The following XRN1 variants were observed in gnomAD, a reference collection of about 807,000 sequenced individuals.
XRN1 encodes the protein 5'-3' exoribonuclease 1.
Under a neutral mutation model 222.3 loss-of-function variants are expected in XRN1, and 67 were observed. The ratio of observed to expected loss-of-function variants is 0.30; its 90% CI spans 0.25 to 0.37. XRN1 has a LOEUF of 0.37. XRN1 is among the 10% of genes least tolerant of loss of function. The probability of loss-of-function intolerance (pLI) is 1.00; values close to 1 mark genes in which losing one functional copy is unlikely to be tolerated. For missense variants in XRN1, 1,707 were observed against 2,000.2 expected, an observed-to-expected ratio of 0.85 and a Z score of 2.80; for synonymous variants, 643 against 652.4, an observed-to-expected ratio of 0.99 and a Z score of 0.22.
intron 2 of XRN1, among the ~76,000 whole-genome samples, chr3:142,430,150 G>A (rs1266886117): frequency 1.3e-5 from 2 of 152,162 alleles, no homozygotes; most frequent in African/African-American, 4.8e-5. Flanking sequence ...TGTGGTAATA[G>A]TTCTGCCACT....
At chr3:142,349,281 G>A (rs1246105375) in intron 32 of XRN1, among the ~76,000 whole-genome samples, 1 of 151,948 alleles carries the variant, frequency 6.6e-6, no homozygotes, top group African/African-American at 2.4e-5. Context: ...GAGTCAAAAT[G>A]GCATGAGATT....
chr3:142,422,270 C>T (rs150095114), intron 8 of XRN1, among the ~76,000 whole-genome samples: 223 of 152,030 alleles, frequency 1.5e-3, no homozygotes, highest in African/African-American at 4.5e-3. Flanking sequence ...AGAAGGCAAA[C>T]GTTGCACTGT....
chr3:142,369,701 A>G (rs1460135016), intron 27 of XRN1, among the ~76,000 whole-genome samples: 1 of 151,732 alleles, frequency 6.6e-6, no homozygotes, highest in Non-Finnish European at 1.5e-5. Flanking sequence ...TGACTGTCAA[A>G]AGTCAATTAA....
chr3:142,374,255 G>C (rs1203409177), intron 25 of XRN1, among the ~76,000 whole-genome samples: 1 of 152,144 alleles, frequency 6.6e-6, no homozygotes, highest in Non-Finnish European at 1.5e-5. Context: ...CCAGGAAACT[G>C]AATAATGAGA....
At chr3:142,384,273 AAAAAAAAAAAAG>A (rs1449388215) in intron 21 of XRN1, among the ~76,000 whole-genome samples, 2 of 149,354 alleles carry the variant, frequency 1.3e-5, no homozygotes, top group African/African-American at 4.9e-5. Flanking sequence ...CTCTGTCTCA[AAAAAAAAAAAAG>A]AAAAAAAAAA....
At chr3:142,346,362 C>T (rs182169024) in intron 33 of XRN1, among the ~76,000 whole-genome samples, 130 of 152,010 alleles carry the variant, frequency 8.6e-4, no homozygotes, top group Middle Eastern at 3.4e-3. Flanking sequence ...TTAAATAATC[C>T]CTAGATTACT....
At chr3:142,366,839 C>T (rs1260219593) in intron 27 of XRN1, among the ~76,000 whole-genome samples, 2 of 152,170 alleles carry the variant, frequency 1.3e-5, no homozygotes, top group African/African-American at 2.4e-5. Context: ...GGCATTATTA[C>T]ACTATAGCAT....
At chr3:142,424,832 T>C (rs73238187) in intron 5 of XRN1, among the ~76,000 whole-genome samples, 19,524 of 146,636 alleles carry the variant, frequency 0.13, 1,273 homozygotes, top group African/African-American at 0.14. Context: ...TTTTTGTTTA[T>C]GCTTGAAAAT....
chr3:142,376,346 A>C, intron 24 of XRN1, 133 bp downstream of exon 24: 1 of 800,614 alleles, frequency 1.2e-6, no homozygotes, highest in Non-Finnish European at 2.0e-6. Flanking sequence ...GATTACCATC[A>C]GAGAAATTTA....
At chr3:142,364,898 T>C (rs533107146) in intron 29 of XRN1, 149 bp downstream of exon 29, 1 of 826,330 alleles carries the variant, frequency 1.2e-6, no homozygotes. Context: ...CTGAAAAGTA[T>C]AACCTAAAAA....
chr3:142,403,636 T>C (rs199572337), intron 18 of XRN1, 38 bp downstream of exon 18: 5 of 1,562,836 alleles, frequency 3.2e-6, no homozygotes, highest in East Asian at 4.5e-5. Context: ...TAATACATTA[T>C]AGGCATCTAA....
intron 15 of XRN1, among the ~76,000 whole-genome samples, chr3:142,409,471 A>G (rs897810252): frequency 6.6e-6 from 1 of 152,216 alleles, no homozygotes; most frequent in Non-Finnish European, 1.5e-5. Flanking sequence ...TTGAAGATGA[A>G]TTAACTGCAT....
At chr3:142,323,813 C>T (rs552318700) in intron 37 of XRN1, among the ~76,000 whole-genome samples, 4 of 151,800 alleles carry the variant, frequency 2.6e-5, no homozygotes, top group South Asian at 4.2e-4. Flanking sequence ...AAAAAAAATT[C>T]GAGTAATATC....
Position 142,311,260 on chromosome 3 carries a change from ATTTAG to A in XRN1, c.*246_*250del. The stretch of plus-strand genomic sequence containing the variant: ...TGATATTATTTTAATGCAAGGTTTA[ATTTAG>A]TTTTTTATTACAGATTTATTGAGGT... On this transcript the variant is annotated 3_prime_UTR_variant, in exon 41 of 41. Transcript: ENST00000392981. The A allele has an allele frequency of 3.5e-6, 1 of 289,806 alleles. No individual in the cohort carries two copies. 18.0% of individuals were successfully genotyped at this position (289,806 alleles called of 1,614,324 possible). A position where few individuals can be genotyped will look rare whatever the true frequency, so the allele number is the denominator to read the frequency against.
At position 142,418,514 on chromosome 3, in the gene XRN1, C is replaced by T. The variant is rs149920821; in HGVS notation, c.1336G>A (p.Val446Ile). The T allele has an allele frequency of 1.2e-5, 19 of 1,609,160 alleles. No individual in the cohort carries two copies. The highest frequency in any genetic ancestry group is 6.7e-5 in the African/African-American group (5 of 74,730). Residue 446 changes from valine (V) to isoleucine (I), a missense_variant, in exon 12 of 41, where the codon GTA becomes ATA. By Grantham distance (29) the Val-to-Ile change is conservative. Around this residue, in one of 2 missense-constraint regions of XRN1, gnomAD observed 1,234 missense variants for 1,518.2 expected, o/e 0.81. Coordinates refer to ENST00000392981, the MANE Select transcript of XRN1 (RefSeq NM_001282857.2). ...TTGGCAAAAACGTACTCAGATACTA[C>T]GTCAACCCCCATCTTCGTCATGTAA... ...TYYMTKMGVDVVSDDFLADQA... is the reference protein window; with the variant it reads ...TYYMTKMGVDIVSDDFLADQA...
At chr3:142,369,556 A>C (rs1387993316) in intron 27 of XRN1, among the ~76,000 whole-genome samples, 1 of 149,678 alleles carries the variant, frequency 6.7e-6, no homozygotes, top group Non-Finnish European at 1.5e-5. Flanking sequence ...GCTGAGGCAG[A>C]AGAATCGCTT....
At chr3:142,393,275 C>T (rs2067804881) in intron 20 of XRN1, among the ~76,000 whole-genome samples, 2 of 149,962 alleles carry the variant, frequency 1.3e-5, no homozygotes, top group South Asian at 4.3e-4. Flanking sequence ...TTTTGTAGGT[C>T]GCCTGTTCAC....
chr3:142,421,842 G>A (rs151336219), intron 8 of XRN1, among the ~76,000 whole-genome samples: 240 of 152,194 alleles, frequency 1.6e-3, no homozygotes, highest in African/African-American at 4.6e-3. Context: ...CATTTAATAT[G>A]ATATGTTAAC....
intron 20 of XRN1, among the ~76,000 whole-genome samples, chr3:142,387,765 G>A (rs780765124): frequency 2.6e-5 from 4 of 152,130 alleles, no homozygotes; most frequent in Admixed American, 1.3e-4. Context: ...GTCATGGGGT[G>A]GATCCTTCAT....
Sources: gnomAD v4.1 joint callset for allele counts (sites outside exome capture counted in the v4.1 genomes callset) on GRCh38, gnomAD v4.1.1 for gene constraint, gnomAD v4.1.1 regional missense constraint, MANE v1.5 for transcripts, NCBI Gene and HGNC (gene_info 2026-07-23, HGNC 2026-07-21) for gene names.